AGPAT5: variants seen among roughly 807,000 people sequenced by gnomAD.
AGPAT5 encodes the protein 1-acylglycerol-3-phosphate O-acyltransferase 5.
In AGPAT5, 46 loss-of-function variants were observed where a neutral mutation model predicts 45.6. That is an observed-to-expected ratio of 1.01 (90% CI 0.80 to 1.29). The LOEUF is 1.29. Ranked by LOEUF, AGPAT5 falls within the 50% of genes most tolerant of loss-of-function variation. The pLI, the probability that AGPAT5 is intolerant of heterozygous loss-of-function variation, is 0.00. For synonymous variants in AGPAT5, 272 were observed against 167.0 expected, an observed-to-expected ratio of 1.63 and a Z score of -4.85; for missense variants, 673 against 450.7, an observed-to-expected ratio of 1.49 and a Z score of -4.47.
chr8:6,722,725 GTTTT>G (rs1347781718), intron 1 of AGPAT5, among the ~76,000 whole-genome samples: 3 of 152,154 alleles, frequency 2.0e-5, no homozygotes, highest in Admixed American at 6.5e-5. Flanking sequence ...AGATAAATAA[GTTTT>G]TTTGACGAAA....
chr8:6,708,742 C>T lies in AGPAT5; in HGVS notation c.74C>T (p.Ala25Val), dbSNP rs779215291. 1.5e-5 allele frequency: 24 copies of T among 1,607,554 alleles called. No homozygotes were observed. Among genetic ancestry groups the T allele is most frequent in the Non-Finnish European group, 1.9e-5 (22 of 1,179,652 alleles). Reference sequence around the variant, plus strand: ...CCCAGCGTCGTGCTCCTGGGCACGGCGCCCACCTACGTGTTGGCCTGGGGG... The same window carrying T: ...CCCAGCGTCGTGCTCCTGGGCACGGTGCCCACCTACGTGTTGGCCTGGGGG... ...LLPSVVLLGT[A>V]PTYVLAWGVW... The change falls in exon 1 of 8, where the codon GCG (alanine) becomes GTG (valine). Residue 25 changes from alanine to valine, a missense_variant. Transcript: ENST00000285518.
At chr8:6,739,364 T>C (rs1801160253) in intron 4 of AGPAT5, among the ~76,000 whole-genome samples, 1 of 152,152 alleles carries the variant, frequency 6.6e-6, no homozygotes, top group Non-Finnish European at 1.5e-5. Flanking sequence ...ATTGAAGATA[T>C]AGATGAATTT....
chr8:6,741,032 CTAAT>C (rs1025022399), intron 4 of AGPAT5, among the ~76,000 whole-genome samples: 6 of 152,064 alleles, frequency 3.9e-5, no homozygotes, highest in Non-Finnish European at 7.4e-5. Flanking sequence ...AAAACTTAGA[CTAAT>C]TGATTACTTA....
chr8:6,713,108 T>C (rs968118), intron 1 of AGPAT5, among the ~76,000 whole-genome samples: 2,469 of 152,158 alleles, frequency 0.016, 76 homozygotes, highest in East Asian at 0.13. Context: ...TCCTCCGGAG[T>C]AGCTGCCGTG....
chr8:6,713,292 G>T lies in AGPAT5; in HGVS notation c.219+4405G>T, dbSNP rs149567617. ...GCCCCTAATAAATATTCTAATTACC[G>T]ATTTATCTTGCTTAAATCAGTTGGT... On this transcript the variant is annotated intron_variant, in intron 1 of 7. Coordinates refer to ENST00000285518, the MANE Select transcript of AGPAT5 (RefSeq NM_018361.5). Among the ~76,000 whole-genome samples, 6 of 152,136 alleles carry T rather than the reference G, an allele frequency of 3.9e-5. No individual in the cohort carries two copies. The East Asian group carries it at 9.7e-4, about 24-fold the overall frequency.
chr8:6,749,210 G>A (rs1801572350), intron 6 of AGPAT5, among the ~76,000 whole-genome samples: 1 of 152,262 alleles, frequency 6.6e-6, no homozygotes, highest in African/African-American at 2.4e-5. Flanking sequence ...GGTTTTAAAA[G>A]AAAAGCTCTT....
chr8:6,730,918 G>A (rs1563291791), intron 3 of AGPAT5, 92 bp downstream of exon 3: 3 of 764,668 alleles, frequency 3.9e-6, no homozygotes, highest in Non-Finnish European at 6.0e-6. Context: ...TGCTCAGGCT[G>A]AGTGCAGTGG....
chr8:6,724,111 C>A (rs896258625), intron 1 of AGPAT5, among the ~76,000 whole-genome samples: 2 of 152,122 alleles, frequency 1.3e-5, no homozygotes, highest in African/African-American at 4.8e-5. Context: ...ACAGGTACAT[C>A]GAACACCTGT....
chr8:6,719,641 C>T (rs1166527588), intron 1 of AGPAT5, among the ~76,000 whole-genome samples: 1 of 152,216 alleles, frequency 6.6e-6, no homozygotes. Flanking sequence ...TATTACAGGA[C>T]ACCCCTGGAG....
chr8:6,732,681 C>G (rs753753446), intron 4 of AGPAT5, 31 bp downstream of exon 4: 4 of 1,505,392 alleles, frequency 2.7e-6, no homozygotes, highest in East Asian at 4.6e-5. Flanking sequence ...ATTTTTCTTA[C>G]CAGCTCTCAG....
At chr8:6,750,400 C>G (rs1801620700) in intron 6 of AGPAT5, among the ~76,000 whole-genome samples, 1 of 152,200 alleles carries the variant, frequency 6.6e-6, no homozygotes, top group Admixed American at 6.5e-5. Context: ...TACAAATTGT[C>G]TCCTTTTGAA....
chr8:6,736,834 G>A (rs116638744), intron 4 of AGPAT5, among the ~76,000 whole-genome samples: 6 of 152,308 alleles, frequency 3.9e-5, no homozygotes, highest in South Asian at 2.1e-4. Context: ...TTGGTGTTTC[G>A]TTCACTTGTC....
chr8:6,713,767 A>G (rs756187739), intron 1 of AGPAT5, among the ~76,000 whole-genome samples: 4 of 152,110 alleles, frequency 2.6e-5, no homozygotes, highest in Non-Finnish European at 5.9e-5. Context: ...AGATTTTGCC[A>G]TATTGCCCAG....
intron 5 of AGPAT5, among the ~76,000 whole-genome samples, chr8:6,745,442 C>A (rs1801409536): frequency 3.3e-5 from 5 of 152,210 alleles, no homozygotes; most frequent in Non-Finnish European, 7.3e-5. Context: ...TCCCACTTCT[C>A]ACTTAACCAC....
At chr8:6,746,806 A>G (rs928826197) in intron 5 of AGPAT5, among the ~76,000 whole-genome samples, 6 of 152,116 alleles carry the variant, frequency 3.9e-5, no homozygotes, top group Admixed American at 3.9e-4. Context: ...TTTATAGTCT[A>G]TTTTCATGTC....
At chr8:6,739,870 T>C (rs1801183916) in intron 4 of AGPAT5, among the ~76,000 whole-genome samples, 1 of 152,158 alleles carries the variant, frequency 6.6e-6, no homozygotes, top group Non-Finnish European at 1.5e-5. Context: ...ATCCATTCTT[T>C]AGTTCCTAGC....
chr8:6,737,937 G>T (rs1288196807), intron 4 of AGPAT5, among the ~76,000 whole-genome samples: 1 of 152,154 alleles, frequency 6.6e-6, no homozygotes, highest in Non-Finnish European at 1.5e-5. Context: ...AGCCTTCAGA[G>T]AATTAAAGGG....
intron 1 of AGPAT5, among the ~76,000 whole-genome samples, chr8:6,709,835 G>A (rs897181350): frequency 1.3e-5 from 2 of 152,112 alleles, no homozygotes; most frequent in Non-Finnish European, 2.9e-5. Flanking sequence ...AAGTTGTTTG[G>A]GGGGAAGGAA....
rs1287685327 is a variant in AGPAT5 at position 6,759,359 on chromosome 8, C to A, written c.*1971C>A. ...TTTCATAGAACTATACTAATCTTCT[C>A]ACAAAAGGTCTATAAAATACAGTCG... On this transcript the variant is annotated 3_prime_UTR_variant, in exon 8 of 8. Transcript: ENST00000285518. The A allele has an allele frequency of 6.6e-6, 1 of 152,078 alleles. No individual in the cohort carries two copies. Among genetic ancestry groups the A allele is most frequent in the African/African-American group, 2.4e-5 (1 of 41,424 alleles). 9.4% of individuals were successfully genotyped at this position (152,078 alleles called of 1,614,324 possible). A position where few individuals can be genotyped will look rare whatever the true frequency, so the allele number is the denominator to read the frequency against.
Sources: allele counts gnomAD v4.1 joint callset (sites outside exome capture counted in the v4.1 genomes callset), GRCh38; gene constraint gnomAD v4.1.1; transcripts MANE v1.5; gene names NCBI Gene and HGNC (gene_info 2026-07-23, HGNC 2026-07-21).